The following ASIC2 variants were observed in gnomAD, a reference collection of about 807,000 sequenced individuals.
ASIC2 encodes the protein acid-sensing ion channel 2.
A neutral mutation model predicts 57.3 loss-of-function variants in ASIC2; 25 were observed. The ratio of observed to expected loss-of-function variants is 0.44; its 90% confidence interval spans 0.32 to 0.61. The LOEUF (loss-of-function observed/expected upper bound fraction) is 0.61. ASIC2 is among the 20% of genes least tolerant of loss of function. The pLI is 0.06. For missense variants in ASIC2, 641 were observed against 738.1 expected, an observed-to-expected ratio of 0.87 and a Z score of 1.52; for synonymous variants, 319 against 307.5, an observed-to-expected ratio of 1.04 and a Z score of -0.39.
At chr17:33,971,089 TGC>T (rs1905216031) in intron 1 of ASIC2, among the ~76,000 whole-genome samples, 1 of 152,120 alleles carries the variant, frequency 6.6e-6, no homozygotes, top group Non-Finnish European at 1.5e-5. Flanking sequence ...GCGTGTGCAA[TGC>T]GCACACCACT....
intron 1 of ASIC2, among the ~76,000 whole-genome samples, chr17:33,377,841 C>A (rs527362767): frequency 2.6e-5 from 4 of 152,334 alleles, no homozygotes; most frequent in Admixed American, 1.3e-4. Flanking sequence ...CAAGTCATTG[C>A]CCCTTTTTGG....
At chr17:33,519,183 G>A (rs1244124449) in intron 1 of ASIC2, among the ~76,000 whole-genome samples, 1 of 152,250 alleles carries the variant, frequency 6.6e-6, no homozygotes, top group Non-Finnish European at 1.5e-5. Flanking sequence ...ACAGAGAGGT[G>A]AAGTAGCTTA....
intron 1 of ASIC2, among the ~76,000 whole-genome samples, chr17:33,382,073 T>C (rs1909509611): frequency 6.6e-6 from 1 of 152,202 alleles, no homozygotes; most frequent in Non-Finnish European, 1.5e-5. Flanking sequence ...AGGGTTGTAC[T>C]GTGCTCATAT....
In ASIC2 at chr17:33,860,717, G is replaced by T. The variant is rs1310108911; in HGVS notation, c.555+295261C>A. Among the ~76,000 whole-genome samples the T allele has an allele frequency of 2.0e-5, 3 of 152,162 alleles. No individual in the cohort carries two copies. The South Asian group carries it at 6.2e-4, about 32-fold the overall frequency. The stretch of plus-strand genomic sequence containing the variant: ...TAGTTTTGTTTCCATAGCATGAATT[G>T]ATTCTTTCACAGATATATTTTTGCT... On this transcript the variant is annotated intron_variant, in intron 1 of 9. Coordinates refer to the ASIC2 transcript ENST00000359872.
chr17:33,674,876 A>C (rs1482535129), intron 1 of ASIC2, among the ~76,000 whole-genome samples: 5 of 152,200 alleles, frequency 3.3e-5, no homozygotes, highest in Non-Finnish European at 5.9e-5. Context: ...CCAGAAATTG[A>C]GGAATCACGT....
intron 3 of ASIC2, among the ~76,000 whole-genome samples, chr17:33,084,805 G>T (rs2092128539): frequency 6.6e-6 from 1 of 152,264 alleles, no homozygotes; most frequent in African/African-American, 2.4e-5. Context: ...GGATTTTACA[G>T]CAACTGAGTT....
At position 34,038,964 on chromosome 17, in the gene ASIC2, G is replaced by T. The variant is rs1907994786; in HGVS notation, c.555+117014C>A. 2.5e-6 allele frequency: 4 copies of T among 1,613,714 alleles called. No homozygotes were observed. The East Asian group carries it at 6.7e-5, about 27-fold the overall frequency. Reference sequence around the variant, plus strand: ...CACTGCTCAGTAAATTTGGCTCCGTGTCGGACGTAGTAAAGTAGCCCAGTC... The same window carrying T: ...CACTGCTCAGTAAATTTGGCTCCGTTTCGGACGTAGTAAAGTAGCCCAGTC... On this transcript the variant is annotated intron_variant, in intron 1 of 9. Coordinates refer to the ASIC2 transcript ENST00000359872.
Position 33,283,774 on chromosome 17 carries a change from T to C in ASIC2, c.708+7634A>G, listed in dbSNP as rs537994313. The stretch of plus-strand genomic sequence containing the variant: ...AATAGAGTGTAATCAGCATCCTCCA[T>C]TGCTGCAGAGATAGCAACGTACATT... On this transcript the variant is annotated intron_variant, in intron 1 of 9. Coordinates refer to ENST00000225823, the MANE Select transcript of ASIC2 (RefSeq NM_183377.2). Among the ~76,000 whole-genome samples, 6 of 152,308 alleles carry C rather than the reference T, an allele frequency of 3.9e-5. No homozygotes were observed. In the South Asian group the frequency reaches 6.2e-4, roughly 16 times the overall value.
intron 1 of ASIC2, among the ~76,000 whole-genome samples, chr17:33,378,453 C>G (rs1335460583): frequency 6.6e-6 from 1 of 152,052 alleles, no homozygotes; most frequent in Non-Finnish European, 1.5e-5. Flanking sequence ...GTCTGCAGGC[C>G]CAGGGAAGTG....
intron 1 of ASIC2, among the ~76,000 whole-genome samples, chr17:33,917,136 C>T (rs1428315097): frequency 6.6e-6 from 1 of 152,208 alleles, no homozygotes; most frequent in African/African-American, 2.4e-5. Flanking sequence ...TCCAGTTCTT[C>T]TTCCTCCCCA....
chr17:33,771,359 C>T (rs1308675720), intron 1 of ASIC2, among the ~76,000 whole-genome samples: 2 of 152,162 alleles, frequency 1.3e-5, no homozygotes, highest in Non-Finnish European at 2.9e-5. Context: ...ATTTGGGCAC[C>T]TTCTGTCTCA....
intron 1 of ASIC2, among the ~76,000 whole-genome samples, chr17:33,475,299 T>TA (rs11294461): frequency 3.0e-5 from 4 of 134,794 alleles, no homozygotes; most frequent in East Asian, 4.4e-4. Flanking sequence ...GGTCTTTTTT[T>TA]AAAAAAAAAG....
At chr17:33,782,687 CCA>C (rs1911492202) in intron 1 of ASIC2, among the ~76,000 whole-genome samples, 1 of 152,142 alleles carries the variant, frequency 6.6e-6, no homozygotes, top group African/African-American at 2.4e-5. Flanking sequence ...TGAGATCATA[CCA>C]CTGCACTCAG....
intron 1 of ASIC2, among the ~76,000 whole-genome samples, chr17:33,473,517 C>G (rs148320746): frequency 6.6e-6 from 1 of 151,928 alleles, no homozygotes. Flanking sequence ...GAGTACCACG[C>G]GGGGCTTCTG....
At chr17:34,005,468 T>C (rs1036850038) in intron 1 of ASIC2, 1 of 152,220 alleles carries the variant, frequency 6.6e-6, no homozygotes, top group African/African-American at 2.4e-5. Flanking sequence ...CCCCCTGTTA[T>C]CTTTAGGATA....
At chr17:33,498,963 G>A (rs1914022403) in intron 1 of ASIC2, among the ~76,000 whole-genome samples, 1 of 152,208 alleles carries the variant, frequency 6.6e-6, no homozygotes, top group African/African-American at 2.4e-5. Context: ...CTGAATCATA[G>A]AACTGTCTGG....
intron 1 of ASIC2, among the ~76,000 whole-genome samples, chr17:33,516,407 A>AGTGTGTGT: frequency 6.7e-6 from 1 of 148,342 alleles, no homozygotes; most frequent in African/African-American, 2.5e-5. Flanking sequence ...TGTGAGTGTG[A>AGTGTGTGT]GTGTGTGTGT....
intron 3 of ASIC2, among the ~76,000 whole-genome samples, chr17:33,067,760 G>A (rs1358351419): frequency 6.6e-6 from 1 of 152,256 alleles, no homozygotes; most frequent in South Asian, 2.1e-4. Flanking sequence ...ACTTTGCAAA[G>A]TTAAAAAAGA....
intron 2 of ASIC2, among the ~76,000 whole-genome samples, chr17:33,104,498 G>A (rs936552519): frequency 5.3e-5 from 8 of 152,176 alleles, no homozygotes; most frequent in African/African-American, 1.9e-4. Flanking sequence ...GGTGCCTCAG[G>A]GTTGGTCACA....
Sources: allele counts gnomAD v4.1 joint callset (sites outside exome capture counted in the v4.1 genomes callset), GRCh38; gene constraint gnomAD v4.1.1; transcripts MANE v1.5; gene names NCBI Gene and HGNC (gene_info 2026-07-23, HGNC 2026-07-21).